CYP4F11: variants seen among roughly 807,000 people sequenced by gnomAD.
CYP4F11 encodes the protein cytochrome P450 family 4 subfamily F member 11.
A neutral mutation model predicts 62.2 loss-of-function variants in CYP4F11; 79 were observed. That is an observed-to-expected ratio of 1.27 (90% CI 1.06 to 1.53). The LOEUF (loss-of-function observed/expected upper bound fraction) is 1.53, where lower values mean the gene tolerates loss of function less well. Among genes scored for constraint, CYP4F11 ranks in the 40% most tolerant of loss-of-function variants. The pLI is 0.00. For synonymous variants in CYP4F11, 290 were observed against 263.7 expected, an observed-to-expected ratio of 1.10 and a Z score of -0.97; for missense variants, 777 against 680.5, an observed-to-expected ratio of 1.14 and a Z score of -1.58.
intron 10 of CYP4F11, 61 bp downstream of exon 10, chr19:15,914,541 G>A: frequency 6.2e-7 from 1 of 1,600,784 alleles, no homozygotes; most frequent in Non-Finnish European, 8.6e-7. Flanking sequence ...TCAAAACCCT[G>A]TCACCTCCTC....
chr19:15,927,429 C>T lies in CYP4F11; in HGVS notation c.397+1G>A. 1 of 1,614,136 alleles carries T rather than the reference C, an allele frequency of 6.2e-7. No homozygotes were observed. Among genetic ancestry groups the T allele is most frequent in the South Asian group, 1.1e-5 (1 of 91,072 alleles). ...CAACCCCATTCACCTCAATTACTCA[C>T]CCAGCCAGGGCTTCAGGAAGCCATA... On this transcript the variant is annotated splice_donor_variant, in intron 3 of 11. Transcript: ENST00000402119. LOFTEE classifies it high-confidence loss of function.
chr19:15,924,118 G>T (rs1568483792), intron 5 of CYP4F11, 36 bp from the exon 6 acceptor site: 1 of 1,597,380 alleles, frequency 6.3e-7, no homozygotes, highest in Non-Finnish European at 8.5e-7. Context: ...CATATGCAAA[G>T]TCCCAGGAGC....
chr19:15,918,145 A>G (rs931298949), intron 8 of CYP4F11, among the ~76,000 whole-genome samples: 5 of 152,200 alleles, frequency 3.3e-5, no homozygotes, highest in African/African-American at 1.2e-4. Context: ...AGGAACATGG[A>G]TGGAGCTGGA....
At chr19:15,932,463 GGGAGAGGAATGAGTGAGTGA>G (rs1568258156) in intron 1 of CYP4F11, among the ~76,000 whole-genome samples, 2 of 48,138 alleles carry the variant, frequency 4.2e-5, no homozygotes, top group Non-Finnish European at 4.3e-5. Flanking sequence ...TGAGTGAGCG[GGGAGAGGAATGAGTGAGTGA>G]GGAGAGGAAT....
rs1393705545 is a variant in CYP4F11, at chr19:15,934,151, C to T, written c.198+60G>A. On this transcript the variant is annotated intron_variant, in intron 1 of 11. Coordinates refer to ENST00000402119, the MANE Select transcript of CYP4F11 (RefSeq NM_021187.4). Reference sequence around the variant, plus strand: ...AAACCCAGCTCCCTGAGCCCCATTCCTGCCCCTCAGGAACTCCATGCATCC... The same window carrying T: ...AAACCCAGCTCCCTGAGCCCCATTCTTGCCCCTCAGGAACTCCATGCATCC... 1.1e-5 allele frequency: 18 copies of T among 1,579,180 alleles called. No homozygotes were observed. In the Admixed American group the frequency reaches 3.0e-4, roughly 26 times the overall value.
chr19:15,914,399 A>T lies in CYP4F11; in HGVS notation c.1315-12T>A. On this transcript the variant is annotated splice_polypyrimidine_tract_variant and intron_variant, in intron 10 of 11. Coordinates refer to ENST00000402119, the MANE Select transcript of CYP4F11 (RefSeq NM_021187.4). ...AAGGGGTCGTAGACCTGCAGGTGAGACCAAGAAGGCTTGCTGGGTGGGGTC... is the reference window on the plus strand; with the variant it reads ...AAGGGGTCGTAGACCTGCAGGTGAGTCCAAGAAGGCTTGCTGGGTGGGGTC... The T allele has an allele frequency of 7.4e-6, 12 of 1,611,854 alleles. No individual in the cohort carries two copies. The highest frequency in any genetic ancestry group is 1.0e-5 in the Non-Finnish European group (12 of 1,178,722).
rs1471648308 is a variant in CYP4F11, at chr19:15,912,961, G to A, written c.*771C>T. 6.6e-6 allele frequency: 1 copy of A among 151,552 alleles called. No individual in the cohort carries two copies. Among genetic ancestry groups the A allele is most frequent in the Admixed American group, 6.6e-5 (1 of 15,188 alleles). The allele number at this position is 151,552 out of a possible 1,614,324, so 9.4% of individuals were successfully genotyped here. A position where few individuals can be genotyped will look rare whatever the true frequency, so the allele number is the denominator to read the frequency against. ...ATTCTTTAACAGCCAGACTTTCTGA[G>A]ACAGGAAATAATAATGGCTCCATAT... On this transcript the variant is annotated 3_prime_UTR_variant, in exon 12 of 12. Coordinates refer to ENST00000402119, the MANE Select transcript of CYP4F11 (RefSeq NM_021187.4).
chr19:15,914,532 C>G, intron 10 of CYP4F11, 70 bp downstream of exon 10: 1 of 1,595,808 alleles, frequency 6.3e-7, no homozygotes, highest in Admixed American at 1.7e-5. Context: ...TTTTCCTGGT[C>G]AAAACCCTGT....
chr19:15,927,538 G>C (rs2089680043), intron 2 of CYP4F11, 55 bp from the exon 3 acceptor site: 2 of 1,608,414 alleles, frequency 1.2e-6, no homozygotes, highest in Middle Eastern at 1.7e-4. Flanking sequence ...GAAGGACTTT[G>C]GGTATGGAGG....
At position 15,934,470 on chromosome 19, in the gene CYP4F11, C is replaced by G. The variant is rs530824383; in HGVS notation, c.-62G>C. 2 of 1,580,864 alleles carry G rather than the reference C, an allele frequency of 1.3e-6. No homozygotes were observed. The highest frequency in any genetic ancestry group is 1.4e-5 in the African/African-American group (1 of 73,182). On this transcript the variant is annotated 5_prime_UTR_variant, in exon 1 of 12. Coordinates refer to ENST00000402119, the MANE Select transcript of CYP4F11 (RefSeq NM_021187.4). ...GGCCCAGGGAAGGGCCCAGGAAGCT[C>G]CAAGGACAGTGGAAAGGGGCAAGGA...
chr19:15,934,212 A>C lies in CYP4F11; in HGVS notation c.197T>G (p.Leu66Arg), dbSNP rs1240744498. 2 of 1,613,182 alleles carry C rather than the reference A, an allele frequency of 1.2e-6. No homozygotes were observed. Among genetic ancestry groups the C allele is most frequent in the East Asian group, 4.5e-5 (2 of 44,856 alleles). ...KQNWFWGHQGLVTPTEEGMKT... is the reference protein window; with the variant it reads ...KQNWFWGHQGRVTPTEEGMKT... ...GACCCGTCCTGCTGACAAACTCACC[A>C]GGCCCTGGTGTCCCCAAAACCAGTT... Residue 66 changes from leucine to arginine, a missense_variant and splice_region_variant, in exon 1 of 12, where the codon CTG (leucine) becomes CGG (arginine). Transcript: ENST00000402119.
intron 1 of CYP4F11, among the ~76,000 whole-genome samples, chr19:15,930,971 G>A (rs1017050091): frequency 3.3e-5 from 5 of 152,176 alleles, no homozygotes; most frequent in Admixed American, 1.3e-4. Context: ...CGATGGACAC[G>A]CCCATCAATT....
chr19:15,926,085 A>T (rs2089666714), intron 4 of CYP4F11, among the ~76,000 whole-genome samples: 1 of 150,636 alleles, frequency 6.6e-6, no homozygotes, highest in South Asian at 2.1e-4. Context: ...AATGGCGTGA[A>T]CCCGGGAGGT....
At position 15,913,816 on chromosome 19, in the gene CYP4F11, T is replaced by C. The variant is rs778617992; in HGVS notation, c.1491A>G (p.Glu497=). Residue 497 remains glutamate, a synonymous_variant, in exon 12 of 12, where the codon GAA becomes GAG. Coordinates refer to ENST00000402119, the MANE Select transcript of CYP4F11 (RefSeq NM_021187.4). ...ATATCAGCTCGGGTTTCCTGCGGGG[T>C]TCAGTGTGGGTCGGCAGGATGCGGA... The part of the protein sequence containing the change: ...LHFRILPTHT[E]PRRKPELILR... The C allele has an allele frequency of 1.9e-6, 3 of 1,613,990 alleles. No individual in the cohort carries two copies. The highest frequency in any genetic ancestry group is 1.6e-4 in the Middle Eastern group (1 of 6,062).
At chr19:15,918,473 G>A (rs1328700622) in intron 8 of CYP4F11, among the ~76,000 whole-genome samples, 1 of 151,984 alleles carries the variant, frequency 6.6e-6, no homozygotes, top group African/African-American at 2.4e-5. Flanking sequence ...TAATACTCTT[G>A]GCGAAGTTAT....
In CYP4F11 at chr19:15,914,664, T is replaced by G. The variant is rs763519759; in HGVS notation, c.1252A>C (p.Ile418Leu). The G allele has an allele frequency of 6.2e-7, 1 of 1,614,048 alleles. No homozygotes were observed. Among genetic ancestry groups the G allele is most frequent in the Admixed American group, 1.7e-5 (1 of 60,000 alleles). ...LPDGRVIPKG[I>L]VCLINIIGIH... Reference sequence around the variant, plus strand: ...CCGATAATATTGATGAGGCAGACAATGCCTGTGGGAGAGAAGAGGGCAGTC... The same window carrying G: ...CCGATAATATTGATGAGGCAGACAAGGCCTGTGGGAGAGAAGAGGGCAGTC... The change falls in exon 10 of 12, where the codon ATT becomes CTT. Residue 418 changes from isoleucine to leucine, a missense_variant and splice_region_variant. Physicochemically the swap from Ile to Leu is conservative, Grantham distance 5. Coordinates refer to ENST00000402119, the MANE Select transcript of CYP4F11 (RefSeq NM_021187.4).
intron 4 of CYP4F11, 112 bp downstream of exon 4, chr19:15,927,100 C>G: frequency 7.8e-7 from 1 of 1,276,120 alleles, no homozygotes; most frequent in Non-Finnish European, 1.1e-6. Flanking sequence ...GAAACCAAGG[C>G]TCAGAGAGGA....
At chr19:15,922,995 G>A (rs974413799) in intron 6 of CYP4F11, among the ~76,000 whole-genome samples, 2 of 152,132 alleles carry the variant, frequency 1.3e-5, no homozygotes, top group African/African-American at 4.8e-5. Flanking sequence ...AGGTTGCAGT[G>A]AGCCAAGATC....
chr19:15,930,666 A>G (rs1223229903), intron 1 of CYP4F11, among the ~76,000 whole-genome samples: 4 of 152,180 alleles, frequency 2.6e-5, no homozygotes. Flanking sequence ...TCTGCTCAAG[A>G]GGATGTGTTT....
Sources: allele counts gnomAD v4.1 joint callset (sites outside exome capture counted in the v4.1 genomes callset), GRCh38; gene constraint gnomAD v4.1.1; transcripts MANE v1.5; gene names NCBI Gene and HGNC (gene_info 2026-07-23, HGNC 2026-07-21).